CEP295: variants seen among roughly 807,000 people sequenced by gnomAD.
CEP295 encodes the protein centrosomal protein 295.
A neutral mutation model predicts 291.6 loss-of-function variants in CEP295; 190 were observed. That is an observed-to-expected ratio of 0.65 (90% confidence interval 0.58 to 0.73). CEP295 has a LOEUF of 0.73. Among genes scored for constraint, CEP295 ranks in the 30% least tolerant of loss-of-function variants. CEP295 has a pLI of 0.00. For synonymous variants in CEP295, 993 were observed against 1,038.8 expected, an observed-to-expected ratio of 0.96 and a Z score of 0.85; for missense variants, 2,863 against 2,949.4, an observed-to-expected ratio of 0.97 and a Z score of 0.68.
chr11:93,679,479 A>G lies in CEP295; in HGVS notation c.692A>G (p.Gln231Arg), dbSNP rs1315473464. Residue 231 changes from glutamine to arginine, a missense_variant, in exon 7 of 30, where the codon CAA (glutamine) becomes CGA (arginine). Around this residue, in one of 3 missense-constraint regions of CEP295, gnomAD observed 554 missense variants for 576.0 expected, o/e 0.96. Coordinates refer to ENST00000325212, the MANE Select transcript of CEP295 (RefSeq NM_033395.2). ...GAAGAACTACAAAAACAGGCAGCAC[A>G]AGAGAGAATGGAACGGTTTGAAAAG... The part of the protein sequence containing the change: ...RLEELQKQAA[Q>R]ERMERFEKAH... 1.9e-6 allele frequency: 3 copies of G among 1,551,564 alleles called. No individual in the cohort carries two copies. Among genetic ancestry groups the G allele is most frequent in the Non-Finnish European group, 2.6e-6 (3 of 1,146,926 alleles).
chr11:93,723,807 T>C (rs1191327472), intron 21 of CEP295: 3 of 159,488 alleles, frequency 1.9e-5, no homozygotes, highest in Non-Finnish European at 4.1e-5. Flanking sequence ...TGATCCTCAT[T>C]AGCCTCATAA....
chr11:93,691,477 A>T (rs575852331), intron 10 of CEP295, among the ~76,000 whole-genome samples: 5 of 152,272 alleles, frequency 3.3e-5, no homozygotes, highest in African/African-American at 1.2e-4. Flanking sequence ...ACGTTTTCAC[A>T]ATTTCAGTCT....
Position 93,698,786 on chromosome 11 carries a change from A to C in CEP295, c.3874A>C (p.Ile1292Leu), listed in dbSNP as rs1013377568. 6.4e-7 allele frequency: 1 copy of C among 1,551,612 alleles called. No homozygotes were observed. The highest frequency in any genetic ancestry group is 8.7e-7 in the Non-Finnish European group (1 of 1,146,996). ...TGAACAAACTGGTTCATCTTCATTC[A>C]TACCCCAGTTGGTACAGCTTTCATT... ...SSEQTGSSSFIPQLVQLSFTS... is the reference protein window; with the variant it reads ...SSEQTGSSSFLPQLVQLSFTS... The change falls in exon 15 of 30, where the codon ATA becomes CTA. Residue 1292 changes from isoleucine (I) to leucine (L), a missense_variant. By Grantham distance (5) the Ile-to-Leu change is conservative. Transcript: ENST00000325212.
intron 4 of CEP295, 34 bp from the exon 5 acceptor site, chr11:93,669,643 A>AT: frequency 7.5e-7 from 1 of 1,337,284 alleles, no homozygotes; most frequent in Non-Finnish European, 1.0e-6. Flanking sequence ...ATTATCACTG[A>AT]GAGATTAATT....
Position 93,729,377 on chromosome 11 carries a change from G to T in CEP295, c.7303-57G>T, listed in dbSNP as rs888995139. Reference sequence around the variant, plus strand: ...CGCTGCACTCTAATCTGACAGCAGAGCAAGACCCGCTTAAAGCGTTTAAAA... The same window carrying T: ...CGCTGCACTCTAATCTGACAGCAGATCAAGACCCGCTTAAAGCGTTTAAAA... On this transcript the variant is annotated intron_variant, in intron 25 of 29. Coordinates refer to ENST00000325212, the MANE Select transcript of CEP295 (RefSeq NM_033395.2). The T allele has an allele frequency of 1.1e-5, 13 of 1,211,478 alleles. No individual in the cohort carries two copies. In the Admixed American group the frequency reaches 2.4e-4, roughly 22 times the overall value. The allele number at this position is 1,211,478 out of a possible 1,614,324, so 75.0% of individuals were successfully genotyped here.
In CEP295 at chr11:93,715,333, G is replaced by C. The variant is rs545837625; in HGVS notation, c.5750-5979G>C. 7.9e-5 allele frequency among the ~76,000 whole-genome samples: 12 copies of C among 152,244 alleles called. 1 individual carries two copies. The South Asian group carries it at 2.5e-3, about 32-fold the overall frequency. The stretch of plus-strand genomic sequence containing the variant: ...TCACTTAAGGCCCAGTGGCTCTTCA[G>C]TTAGCTTGTTGTGAATGCTGCCAGG... On this transcript the variant is annotated intron_variant, in intron 18 of 29. Coordinates refer to ENST00000325212, the MANE Select transcript of CEP295 (RefSeq NM_033395.2).
Position 93,684,130 on chromosome 11 carries a change from T to TA in CEP295, c.1114+7dup. The TA allele has an allele frequency of 6.5e-7, 1 of 1,549,568 alleles. No homozygotes were observed. The highest frequency in any genetic ancestry group is 1.2e-5 in the South Asian group (1 of 83,912). Reference sequence around the variant, plus strand: ...AAATATGTTCTAGTGAAACAGATGGTAAAAACCCTTCTGAGCTAAATATTA... The same window carrying TA: ...AAATATGTTCTAGTGAAACAGATGGTAAAAAACCCTTCTGAGCTAAATATTA... On this transcript the variant is annotated splice_region_variant and intron_variant, in intron 9 of 29. Coordinates refer to ENST00000325212, the MANE Select transcript of CEP295 (RefSeq NM_033395.2).
At chr11:93,677,150 A>G (rs1346931022) in intron 6 of CEP295, among the ~76,000 whole-genome samples, 1 of 152,156 alleles carries the variant, frequency 6.6e-6, no homozygotes, top group Non-Finnish European at 1.5e-5. Context: ...TTGGCTTTCA[A>G]GATAAAATTA....
At position 93,729,544 on chromosome 11, in the gene CEP295, G is replaced by A. The variant is rs751399771; in HGVS notation, c.7399+14G>A. The A allele has an allele frequency of 6.8e-5, 106 of 1,549,274 alleles. No homozygotes were observed. The highest frequency in any genetic ancestry group is 3.3e-4 in the Middle Eastern group (2 of 6,010). On this transcript the variant is annotated intron_variant, in intron 26 of 29. Transcript: ENST00000325212. The stretch of plus-strand genomic sequence containing the variant: ...CAGCATCTACAGGTAAGCCTTGGAC[G>A]GCCTCCACACTTCTAATGGAAAGTA...
At chr11:93,681,938 C>T (rs777178961) in intron 7 of CEP295, among the ~76,000 whole-genome samples, 10 of 151,894 alleles carry the variant, frequency 6.6e-5, no homozygotes, top group Non-Finnish European at 1.5e-4. Context: ...TTCCAAAGCC[C>T]TTGGAAATGT....
At position 93,725,645 on chromosome 11, in the gene CEP295, T is replaced by G. The variant is rs1268710773; in HGVS notation, c.6319-6T>G. ...ATTTCAGCCTTTCCCTTTTGTTTCC[T>G]GCCAGAGATCAGATTCTTCATCTGA... On this transcript the variant is annotated splice_polypyrimidine_tract_variant and splice_region_variant and intron_variant, in intron 22 of 29. Coordinates refer to ENST00000325212, the MANE Select transcript of CEP295 (RefSeq NM_033395.2). The G allele has an allele frequency of 6.5e-7, 1 of 1,531,554 alleles. No individual in the cohort carries two copies. Among genetic ancestry groups the G allele is most frequent in the Admixed American group, 2.2e-5 (1 of 44,520 alleles). The allele number at this position is 1,531,554 out of a possible 1,614,324, so 94.9% of individuals were successfully genotyped here.
rs766019788 is a variant in CEP295 at position 93,706,851 on chromosome 11, A to C, written c.5703A>C (p.Gln1901His). The change falls in exon 18 of 30, where the codon CAA becomes CAC. Residue 1901 changes from glutamine to histidine, a missense_variant. Gln to His is a conservative substitution (Grantham distance 24). Coordinates refer to ENST00000325212, the MANE Select transcript of CEP295 (RefSeq NM_033395.2). The stretch of plus-strand genomic sequence containing the variant: ...CCCATGATCCGTTTAGTTGTCTTCA[A>C]CTGGTTGGCCAAGAGAATGTCTGTG... ...PLAHDPFSCL[Q>H]LVGQENVCGD... is the part of the protein sequence containing the mutation. 42 of 1,548,242 alleles carry C rather than the reference A, an allele frequency of 2.7e-5. No individual in the cohort carries two copies. Among genetic ancestry groups the C allele is most frequent in the Non-Finnish European group, 3.3e-5 (38 of 1,145,318 alleles).
intron 24 of CEP295, chr11:93,728,016 G>C (rs1327830331): frequency 1.2e-5 from 2 of 171,294 alleles, no homozygotes; most frequent in Admixed American, 5.8e-5. Context: ...GGTTCTGCCT[G>C]TGCTTCAGCA....
intron 4 of CEP295, 91 bp from the exon 5 acceptor site, chr11:93,669,586 T>G: frequency 1.3e-6 from 1 of 772,518 alleles, no homozygotes; most frequent in East Asian, 2.7e-5. Flanking sequence ...ACTAGAGGAT[T>G]TCTTGAGCCT....
chr11:93,729,830 G>A (rs1938146826), intron 27 of CEP295, 40 bp from the exon 28 acceptor site: 1 of 1,538,684 alleles, frequency 6.5e-7, no homozygotes, highest in Non-Finnish European at 8.8e-7. Context: ...AATGTTTAAA[G>A]CCTTGTGTTT....
chr11:93,674,323 A>G lies in CEP295; in HGVS notation c.529-1248A>G, dbSNP rs555989425. The stretch of plus-strand genomic sequence containing the variant: ...GTCCTCCTCATCATTCCACACTCAT[A>G]TATGTTATAGCTAAAACTTTGGTTA... On this transcript the variant is annotated intron_variant, in intron 5 of 29. Transcript: ENST00000325212. Among the ~76,000 whole-genome samples the G allele has an allele frequency of 1.6e-4, 25 of 152,114 alleles. No individual in the cohort carries two copies. In the South Asian group the frequency reaches 4.8e-3, roughly 29 times the overall value.
chr11:93,701,476 C>T (rs909392883), intron 15 of CEP295, among the ~76,000 whole-genome samples: 4 of 152,022 alleles, frequency 2.6e-5, no homozygotes, highest in Admixed American at 6.5e-5. Flanking sequence ...GAAGAGTTAA[C>T]GTCAAGAGAT....
intron 18 of CEP295, chr11:93,719,714 A>T (rs1454999791): frequency 1.3e-5 from 2 of 150,636 alleles, no homozygotes; most frequent in African/African-American, 2.4e-5. Flanking sequence ...GACTAGTCTT[A>T]AAAAAAAATA....
At position 93,727,367 on chromosome 11, in the gene CEP295, A is replaced by T; in HGVS notation, c.6891A>T (p.Gly2297=). 2.6e-6 allele frequency: 4 copies of T among 1,551,542 alleles called. No homozygotes were observed. Among genetic ancestry groups the T allele is most frequent in the South Asian group, 1.2e-5 (1 of 84,024 alleles). The change falls in exon 24 of 30, where the codon GGA becomes GGT. Residue 2297 remains glycine (G), a synonymous_variant. Transcript: ENST00000325212. ...TTGTTACAATGTTACAAAGTCAAGGACTCATTGAAGATAATAAAAATGAAA... is the reference window on the plus strand; with the variant it reads ...TTGTTACAATGTTACAAAGTCAAGGTCTCATTGAAGATAATAAAAATGAAA... ...RGVVTMLQSQ[G]LIEDNKNETC...
Sources: gnomAD v4.1 joint callset for allele counts (sites outside exome capture counted in the v4.1 genomes callset) on GRCh38, gnomAD v4.1.1 for gene constraint, gnomAD v4.1.1 regional missense constraint, MANE v1.5 for transcripts, NCBI Gene and HGNC (gene_info 2026-07-23, HGNC 2026-07-21) for gene names.